The following TCF12 variants were observed in gnomAD, a reference collection of about 807,000 sequenced individuals.
The protein encoded by TCF12 is transcription factor 12.
A neutral mutation model predicts 86.0 loss-of-function variants in TCF12; 45 were observed. That is an observed-to-expected ratio of 0.52 (90% CI 0.41 to 0.67). TCF12 has a LOEUF of 0.67. Among genes scored for constraint, TCF12 ranks in the 30% least tolerant of loss-of-function variants. The probability of loss-of-function intolerance (pLI) is 0.00; values close to 1 mark genes in which losing one functional copy is unlikely to be tolerated. For missense variants in TCF12, 881 were observed against 859.9 expected (o/e 1.02, Z -0.31); for synonymous variants, 330 against 299.6 (o/e 1.10, Z -1.05).
chr15:57,144,094 TTC>T (rs1446436964), intron 5 of TCF12, among the ~76,000 whole-genome samples: 1 of 152,228 alleles, frequency 6.6e-6, no homozygotes, highest in Non-Finnish European at 1.5e-5. Context: ...ACTGGGAAAC[TTC>T]TATTAGTTTT....
At chr15:57,050,834 G>T (rs1282023510) in intron 3 of TCF12, among the ~76,000 whole-genome samples, 14 of 152,080 alleles carry the variant, frequency 9.2e-5, no homozygotes, top group African/African-American at 3.1e-4. Flanking sequence ...CAGATATTGT[G>T]CTTGTCAGTG....
At chr15:57,208,287 C>G (rs1335273879) in intron 8 of TCF12, among the ~76,000 whole-genome samples, 3 of 151,768 alleles carry the variant, frequency 2.0e-5, no homozygotes, top group Non-Finnish European at 4.4e-5. Flanking sequence ...CCGCCTCAGC[C>G]TCCCAAAGTG....
At chr15:57,040,589 G>T (rs957071006) in intron 3 of TCF12, among the ~76,000 whole-genome samples, 2 of 152,166 alleles carry the variant, frequency 1.3e-5, no homozygotes, top group Non-Finnish European at 2.9e-5. Context: ...TTTTAGGCTG[G>T]TATTCAGTAG....
intron 5 of TCF12, among the ~76,000 whole-genome samples, chr15:57,145,644 G>A (rs976150600): frequency 6.6e-6 from 1 of 152,090 alleles, no homozygotes; most frequent in African/African-American, 2.4e-5. Context: ...AATGAAAAAG[G>A]GAAAAAGAGT....
intron 6 of TCF12, among the ~76,000 whole-genome samples, chr15:57,171,999 A>G (rs2055541302): frequency 6.6e-6 from 1 of 152,216 alleles, no homozygotes; most frequent in Non-Finnish European, 1.5e-5. Context: ...TGTGAAGTTC[A>G]TCTGAGTTCA....
chr15:57,221,902 G>A (rs1164272730), intron 8 of TCF12, among the ~76,000 whole-genome samples: 1 of 151,948 alleles, frequency 6.6e-6, no homozygotes, highest in Non-Finnish European at 1.5e-5. Flanking sequence ...TTATTTTAGT[G>A]TATATTGGGA....
chr15:56,960,325 G>A (rs1421476849), intron 3 of TCF12, among the ~76,000 whole-genome samples: 3 of 152,028 alleles, frequency 2.0e-5, no homozygotes, highest in Non-Finnish European at 4.4e-5. Flanking sequence ...AAAGTCCTAC[G>A]AAATGTTTGC....
chr15:57,198,014 A>G lies in TCF12; in HGVS notation c.579+189A>G, dbSNP rs113728841. Among the ~76,000 whole-genome samples the G allele has an allele frequency of 1.3e-4, 20 of 152,296 alleles. 1 individual carries two copies. The highest frequency in any genetic ancestry group is 4.1e-4 in the South Asian group (2 of 4,824). On this transcript the variant is annotated intron_variant, in intron 8 of 20. Coordinates refer to ENST00000333725, the MANE Select transcript of TCF12 (RefSeq NM_207037.2). ...TGTTTGGTTTTTAGATTTCTCTGCA[A>G]TGATTTGTAGCTTACTCATATGCTC...
chr15:57,265,564 T>C (rs1304059642), intron 18 of TCF12, among the ~76,000 whole-genome samples: 1 of 152,216 alleles, frequency 6.6e-6, no homozygotes, highest in Non-Finnish European at 1.5e-5. Context: ...TATGCATAGT[T>C]CACATTTATT....
chr15:57,208,651 C>T (rs2057969328), intron 8 of TCF12, among the ~76,000 whole-genome samples: 1 of 151,864 alleles, frequency 6.6e-6, no homozygotes, highest in Admixed American at 6.6e-5. Context: ...TCCCAAAGTC[C>T]TGGGATTACA....
At chr15:57,163,292 G>A (rs1403122098) in intron 5 of TCF12, among the ~76,000 whole-genome samples, 1 of 152,126 alleles carries the variant, frequency 6.6e-6, no homozygotes, top group Non-Finnish European at 1.5e-5. Context: ...CTTAGAAATA[G>A]ACTAGTATCA....
At chr15:56,998,668 A>T (rs1184285266) in intron 3 of TCF12, among the ~76,000 whole-genome samples, 1 of 152,140 alleles carries the variant, frequency 6.6e-6, no homozygotes, top group Non-Finnish European at 1.5e-5. Flanking sequence ...GAATGTCCGA[A>T]CAACATTATC....
intron 5 of TCF12, among the ~76,000 whole-genome samples, chr15:57,095,100 A>G (rs1386904070): frequency 1.3e-5 from 2 of 152,216 alleles, no homozygotes; most frequent in Admixed American, 6.5e-5. Context: ...ATATGTCAAT[A>G]TGGGAAAGAG....
Position 57,151,333 on chromosome 15 carries a change from T to TA in TCF12, c.326-15068dup, listed in dbSNP as rs2053743508. The stretch of plus-strand genomic sequence containing the variant: ...AAAATACAGTATCTGAAATGAAAAA[T>TA]ACACTGGATGATATTAACTGCAGCT... On this transcript the variant is annotated intron_variant, in intron 5 of 20. Transcript: ENST00000333725. 2.7e-5 allele frequency among the ~76,000 whole-genome samples: 4 copies of TA among 149,482 alleles called. No individual in the cohort carries two copies. In the South Asian group the frequency reaches 8.6e-4, roughly 32 times the overall value.
chr15:56,961,657 A>G (rs184604899), intron 3 of TCF12, among the ~76,000 whole-genome samples: 4 of 152,340 alleles, frequency 2.6e-5, no homozygotes, highest in Admixed American at 2.0e-4. Context: ...GTCATTACCA[A>G]TTAGTGGGTT....
In TCF12 at chr15:57,232,337, G is replaced by A. The variant is rs764081480; in HGVS notation, c.732G>A (p.Met244Ile). 8 of 1,613,880 alleles carry A rather than the reference G, an allele frequency of 5.0e-6. No homozygotes were observed. The Admixed American group carries it at 1.0e-4, about 20-fold the overall frequency. ...SSDLWSSSNG[M>I]SQPGFGGILG... is the part of the protein sequence containing the mutation. ...ACCTTTGGAGTTCATCAAATGGGAT[G>A]AGCCAGCCTGGTTTTGGTGGAATTC... The change falls in exon 10 of 21, where the codon ATG becomes ATA. Residue 244 changes from methionine to isoleucine, a missense_variant. Around this residue, in one of 3 missense-constraint regions of TCF12, gnomAD observed 766 missense variants for 718.9 expected, o/e 1.07. Transcript: ENST00000333725.
rs777234282 is a variant in TCF12 at position 56,984,014 on chromosome 15, A to AAAAAAAAG, written c.148+62918_148+62919insAAAAAGAA. On this transcript the variant is annotated intron_variant, in intron 3 of 20. Transcript: ENST00000333725. ...GAGACCCTGTCTCAAAAAAAAAAAA[A>AAAAAAAAG]AAGAAGAAGAAGAATTTTGGATCAA... Among the ~76,000 whole-genome samples the AAAAAAAAG allele has an allele frequency of 1.5e-4, 16 of 104,418 alleles. 1 individual carries two copies. The highest frequency in any genetic ancestry group is 1.4e-3 in the East Asian group (4 of 2,912). 68.5% of individuals were successfully genotyped at this position (104,418 alleles called of 152,430 possible). A position where few individuals can be genotyped will look rare whatever the true frequency, so the allele number is the denominator to read the frequency against.
At chr15:57,238,422 A>G (rs1428435269) in intron 12 of TCF12, among the ~76,000 whole-genome samples, 7 of 152,196 alleles carry the variant, frequency 4.6e-5, no homozygotes, top group East Asian at 1.9e-4. Context: ...TCTACCCTCA[A>G]AAGCCCATGC....
At chr15:57,289,928 ATCTTTGTAGGAGTCTACAT>A (rs2062047510), downstream of TCF12, 1 of 152,100 alleles carries the variant, frequency 6.6e-6, no homozygotes, top group Non-Finnish European at 1.5e-5. Flanking sequence ...ATGTCAACCC[ATCTTTGTAGGAGTCTACAT>A]TCTTTTGCAG....
Sources: gnomAD v4.1 joint callset for allele counts (sites outside exome capture counted in the v4.1 genomes callset) on GRCh38, gnomAD v4.1.1 for gene constraint, gnomAD v4.1.1 regional missense constraint, MANE v1.5 for transcripts, NCBI Gene and HGNC (gene_info 2026-07-23, HGNC 2026-07-21) for gene names.